PLCH1: variants seen among roughly 807,000 people sequenced by gnomAD.
The protein encoded by PLCH1 is 1-phosphatidylinositol 4,5-bisphosphate phosphodiesterase eta-1.
A neutral mutation model predicts 126.7 loss-of-function variants in PLCH1; 60 were observed. The observed-to-expected ratio is 0.47, with a 90% CI of 0.38 to 0.59. PLCH1 has a LOEUF of 0.59. Among genes scored for constraint, PLCH1 ranks in the 20% least tolerant of loss-of-function variants. PLCH1 has a pLI of 0.00. For synonymous variants in PLCH1, 719 were observed against 734.9 expected, an observed-to-expected ratio of 0.98 and a Z score of 0.35; for missense variants, 1,723 against 2,040.0, an observed-to-expected ratio of 0.84 and a Z score of 2.99.
At chr3:155,693,042 A>C (rs563841992) in intron 2 of PLCH1, among the ~76,000 whole-genome samples, 193 of 151,884 alleles carry the variant, frequency 1.3e-3, no homozygotes, top group African/African-American at 4.4e-3. Flanking sequence ...TCGGCCTCCC[A>C]AAGTGCTGGG....
chr3:155,497,726 T>C (rs1037684638), intron 14 of PLCH1, among the ~76,000 whole-genome samples: 1 of 152,168 alleles, frequency 6.6e-6, no homozygotes, highest in Non-Finnish European at 1.5e-5. Flanking sequence ...ATTTTTTTTC[T>C]TTTTTTGAGA....
At chr3:155,538,918 T>C (rs1723824868) in intron 10 of PLCH1, among the ~76,000 whole-genome samples, 1 of 146,636 alleles carries the variant, frequency 6.8e-6, no homozygotes, top group Admixed American at 7.0e-5. Context: ...AGTATCACCC[T>C]AACACCAAAA....
At position 155,500,085 on chromosome 3, in the gene PLCH1, G is replaced by T. The variant is rs114374762; in HGVS notation, c.1796+618C>A. Among the ~76,000 whole-genome samples the T allele has an allele frequency of 8.8e-3, 1,337 of 152,150 alleles. 19 individuals carry two copies. The highest frequency in any genetic ancestry group is 0.03 in the African/African-American group (1,243 of 41,506). On this transcript the variant is annotated intron_variant, in intron 14 of 22. Coordinates refer to ENST00000460012, the MANE Select transcript of PLCH1 (RefSeq NM_014996.4). ...GTGAAAGTTATGGTATAAATAAACT[G>T]CCAGGAACTCCTGTAATGAATCATG...
intron 4 of PLCH1, among the ~76,000 whole-genome samples, chr3:155,589,571 A>G (rs549319334): frequency 2.0e-5 from 3 of 152,206 alleles, no homozygotes; most frequent in Non-Finnish European, 2.9e-5. Flanking sequence ...TATAACATAC[A>G]TAACAGGTGG....
intron 10 of PLCH1, 109 bp downstream of exon 10, chr3:155,549,678 T>C: frequency 1.3e-6 from 1 of 752,504 alleles, no homozygotes; most frequent in Non-Finnish European, 2.2e-6. Flanking sequence ...CAATCCTTCA[T>C]ATATTGATTC....
intron 6 of PLCH1, among the ~76,000 whole-genome samples, chr3:155,569,744 T>C: frequency 6.6e-6 from 1 of 152,154 alleles, no homozygotes; most frequent in East Asian, 1.9e-4. Context: ...GAAGACTAAG[T>C]TCACTTTGCA....
chr3:155,512,084 C>T (rs1457683416), intron 12 of PLCH1, among the ~76,000 whole-genome samples: 3 of 149,978 alleles, frequency 2.0e-5, no homozygotes, highest in Admixed American at 1.3e-4. Flanking sequence ...GTCTGAAAAG[C>T]GCAATATTCA....
At chr3:155,686,085 C>G (rs1001216362) in intron 2 of PLCH1, among the ~76,000 whole-genome samples, 4 of 152,092 alleles carry the variant, frequency 2.6e-5, no homozygotes, top group Non-Finnish European at 5.9e-5. Context: ...AGGTATGCAA[C>G]TTATTCTCAA....
intron 11 of PLCH1, among the ~76,000 whole-genome samples, chr3:155,521,190 GACAC>G (rs1220861982): frequency 6.6e-6 from 1 of 152,208 alleles, no homozygotes; most frequent in African/African-American, 2.4e-5. Context: ...CATGCACACA[GACAC>G]ACACACACTT....
intron 2 of PLCH1, among the ~76,000 whole-genome samples, chr3:155,607,719 G>T (rs1028129277): frequency 9.2e-5 from 14 of 152,274 alleles, no homozygotes; most frequent in East Asian, 3.9e-4. Flanking sequence ...TAGGATTACA[G>T]GCATAAGCCT....
chr3:155,615,214 C>G (rs1402339017), intron 2 of PLCH1, among the ~76,000 whole-genome samples: 1 of 152,080 alleles, frequency 6.6e-6, no homozygotes, highest in Non-Finnish European at 1.5e-5. Context: ...CAGAGAAATG[C>G]AAATCAAAAC....
intron 21 of PLCH1, among the ~76,000 whole-genome samples, chr3:155,452,735 T>C (rs1387333702): frequency 1.3e-5 from 2 of 152,120 alleles, no homozygotes; most frequent in Non-Finnish European, 2.9e-5. Flanking sequence ...CTGATGTCAA[T>C]GGGCAAAATG....
chr3:155,612,908 T>TAA (rs59489759), intron 2 of PLCH1, among the ~76,000 whole-genome samples: 2 of 94,636 alleles, frequency 2.1e-5, no homozygotes, highest in East Asian at 4.0e-4. Context: ...AACTGTGTAT[T>TAA]AAAAAAAAAA....
intron 2 of PLCH1, among the ~76,000 whole-genome samples, chr3:155,686,384 C>T (rs1744942077): frequency 6.6e-6 from 1 of 152,174 alleles, no homozygotes; most frequent in South Asian, 2.1e-4. Flanking sequence ...AGCAATATCC[C>T]TTGTTCAAAC....
Position 155,458,435 on chromosome 3 carries a change from AAGGAAGGAAGGAAGGAAG to A in PLCH1, c.2938+26903_2938+26920del, listed in dbSNP as rs1576759388. ...GAAGGAAGGAAGGAAGGAAGGAAGG[AAGGAAGGAAGGAAGGAAG>A]GAAAGAAAGAAAGAAAGAAAGAAAG... On this transcript the variant is annotated intron_variant, in intron 21 of 21. Coordinates refer to the PLCH1 transcript ENST00000494598. Among the ~76,000 whole-genome samples the A allele has an allele frequency of 6.7e-4, 62 of 92,584 alleles. 1 individual carries two copies. The highest frequency in any genetic ancestry group is 2.1e-3 in the East Asian group (7 of 3,316). 60.7% of individuals were successfully genotyped at this position (92,584 alleles called of 152,430 possible). A position where few individuals can be genotyped will look rare whatever the true frequency, so the allele number is the denominator to read the frequency against.
intron 2 of PLCH1, among the ~76,000 whole-genome samples, chr3:155,651,704 T>C (rs1000496206): frequency 6.6e-6 from 1 of 152,344 alleles, no homozygotes; most frequent in Non-Finnish European, 1.5e-5. Flanking sequence ...GATAGCTTTC[T>C]GTTTCAATAT....
intron 21 of PLCH1, among the ~76,000 whole-genome samples, chr3:155,452,009 GTCTCTCTCTCACACACACATACAT>G: frequency 6.6e-6 from 1 of 151,998 alleles, no homozygotes; most frequent in South Asian, 2.1e-4. Flanking sequence ...CTCTCTCTCT[GTCTCTCTCTCACACACACATACAT>G]TCTCTCTCTC....
intron 4 of PLCH1, among the ~76,000 whole-genome samples, chr3:155,589,240 C>A (rs1731783004): frequency 6.6e-6 from 1 of 152,072 alleles, no homozygotes; most frequent in Non-Finnish European, 1.5e-5. Context: ...TTTTGCAGGA[C>A]ATTTGCTCTC....
Position 155,482,306 on chromosome 3 carries a change from C to T in PLCH1, c.3720G>A (p.Lys1240=), listed in dbSNP as rs1560044307. 1 of 1,614,166 alleles carries T rather than the reference C, an allele frequency of 6.2e-7. No homozygotes were observed. Among genetic ancestry groups the T allele is most frequent in the Non-Finnish European group, 8.5e-7 (1 of 1,180,048 alleles). The stretch of plus-strand genomic sequence containing the variant: ...CCGGAGATGAGCACAGGAAGGAAGA[C>T]TTGGATTTTCCCTTGCAAAAACCAT... ...IKHGFCKGKS[K]SSFLCSSPEL... Residue 1240 remains lysine (K), a synonymous_variant, in exon 23 of 23, where the codon AAG becomes AAA. Coordinates refer to ENST00000460012, the MANE Select transcript of PLCH1 (RefSeq NM_014996.4).
Sources: gnomAD v4.1 joint callset for allele counts (sites outside exome capture counted in the v4.1 genomes callset) on GRCh38, gnomAD v4.1.1 for gene constraint, MANE v1.5 for transcripts, NCBI Gene and HGNC (gene_info 2026-07-23, HGNC 2026-07-21) for gene names.